CCDC39: variants seen among roughly 807,000 people sequenced by gnomAD.
The protein encoded by CCDC39 is coiled-coil domain 39 molecular ruler complex subunit.
CCDC39 carries 113 observed loss-of-function variants against 121.0 expected under a neutral mutation model. The ratio of observed to expected loss-of-function variants is 0.93; its 90% CI spans 0.80 to 1.09. The LOEUF is 1.09. Ranked by LOEUF, CCDC39 falls within the 50% of genes least tolerant of loss-of-function variation. The probability of loss-of-function intolerance (pLI) is 0.00; values close to 1 mark genes in which losing one functional copy is unlikely to be tolerated. For synonymous variants in CCDC39, 349 were observed against 352.2 expected, an observed-to-expected ratio of 0.99 and a Z score of 0.10; for missense variants, 1,063 against 1,074.7, an observed-to-expected ratio of 0.99 and a Z score of 0.15.
At chr3:180,667,984 G>A (rs907407362) in intron 1 of CCDC39, among the ~76,000 whole-genome samples, 3 of 152,132 alleles carry the variant, frequency 2.0e-5, no homozygotes, top group Non-Finnish European at 2.9e-5. Context: ...ACCAAATTGA[G>A]GACTAGCTAA....
intron 19 of CCDC39, 41 bp downstream of exon 19, chr3:180,616,232 GTGTACAGC>G: frequency 6.7e-7 from 1 of 1,498,910 alleles, no homozygotes; most frequent in Non-Finnish European, 9.3e-7. Flanking sequence ...GAATCACTTA[GTGTACAGC>G]TGTGAGAGTT....
rs1400344619 is a variant in CCDC39, at chr3:180,616,929, G to A, written c.2303C>T (p.Ala768Val). ...TGATAACTTTTCTTTAACATTATTT[G>A]CCAAATGTTCTATAACATCTAATGT... ...ENTLDVIEHL[A>V]NNVKEKLSEK... The change falls in exon 17 of 20, where the codon GCA becomes GTA. Residue 768 changes from alanine to valine, a missense_variant. By Grantham distance (64) the Ala-to-Val change is moderately conservative (BLOSUM62 0). Coordinates refer to ENST00000476379, the MANE Select transcript of CCDC39 (RefSeq NM_181426.2). The A allele has an allele frequency of 9.3e-6, 14 of 1,498,270 alleles. No homozygotes were observed. The Admixed American group carries it at 2.0e-4, about 21-fold the overall frequency. The allele number at this position is 1,498,270 out of a possible 1,614,324, so 92.8% of individuals were successfully genotyped here.
rs1175492092 is a variant in CCDC39, at chr3:180,646,986, A to C, written c.1527+93T>G. On this transcript the variant is annotated intron_variant, in intron 11 of 19. Coordinates refer to ENST00000476379, the MANE Select transcript of CCDC39 (RefSeq NM_181426.2). ...TTGTTATATATGTGTGTAGAGTGGC[A>C]GTCACCCTATCCAAAGTAGTCTTAA... 2.7e-6 allele frequency: 3 copies of C among 1,100,348 alleles called. No homozygotes were observed. The East Asian group carries it at 7.1e-5, about 26-fold the overall frequency. The allele number at this position is 1,100,348 out of a possible 1,614,324, so 68.2% of individuals were successfully genotyped here.
Position 180,642,175 on chromosome 3 carries a change from TAA to T in CCDC39, c.1690_1691del (p.Leu564LysfsTer3), listed in dbSNP as rs762481678. On this transcript the variant is annotated frameshift_variant, in exon 13 of 20. Transcript: ENST00000476379. LOFTEE classifies it high-confidence loss of function. ...KQDLMIEDNLLKLEVKRTREM... is the reference protein window; with the variant it reads ...KQDLMIEDNLXKLEVKRTREM... Reference sequence around the variant, plus strand: ...CTCGAGTACGCTTAACTTCAAGTTTTAAAAGATTGTCCTCTATCATCAAATCC... The same window carrying T: ...CTCGAGTACGCTTAACTTCAAGTTTTAAGATTGTCCTCTATCATCAAATCC... 4 of 1,605,260 alleles carry T rather than the reference TAA, an allele frequency of 2.5e-6. No individual in the cohort carries two copies. The highest frequency in any genetic ancestry group is 8.5e-7 in the Non-Finnish European group (1 of 1,174,574).
chr3:180,650,511 T>G (rs946943010), intron 9 of CCDC39, among the ~76,000 whole-genome samples: 2 of 152,094 alleles, frequency 1.3e-5, no homozygotes, highest in Non-Finnish European at 2.9e-5. Context: ...GGGACATAGG[T>G]ACAGTAGGCT....
rs770110944 is a variant in CCDC39 at position 180,651,533 on chromosome 3, C to T, written c.1035G>A (p.Arg345=). 2 of 1,520,902 alleles carry T rather than the reference C, an allele frequency of 1.3e-6. No individual in the cohort carries two copies. Among genetic ancestry groups the T allele is most frequent in the East Asian group, 2.5e-5 (1 of 40,600 alleles). The allele number at this position is 1,520,902 out of a possible 1,614,324, so 94.2% of individuals were successfully genotyped here. A position where few individuals can be genotyped will look rare whatever the true frequency, so the allele number is the denominator to read the frequency against. ...IKKDIHEETA[R]LQKTKNHNEI... ...CATTATGATTTTTAGTTTTTTGTAA[C>T]CTGAAGAGGGTTTATCACAAAAAGA... is the stretch of plus-strand genomic sequence containing the variant. The change falls in exon 9 of 20, where the codon AGG becomes AGA. Residue 345 remains arginine, a splice_region_variant and synonymous_variant. Coordinates refer to ENST00000476379, the MANE Select transcript of CCDC39 (RefSeq NM_181426.2).
intron 1 of CCDC39, among the ~76,000 whole-genome samples, chr3:180,664,779 T>G (rs965563545): frequency 6.6e-6 from 1 of 151,294 alleles, no homozygotes; most frequent in African/African-American, 2.4e-5. Flanking sequence ...CACTGTAACC[T>G]CTGCCTCCCG....
intron 14 of CCDC39, among the ~76,000 whole-genome samples, chr3:180,630,553 T>C (rs1304864854): frequency 6.6e-6 from 1 of 152,204 alleles, no homozygotes; most frequent in Non-Finnish European, 1.5e-5. Flanking sequence ...CCCCTATTCA[T>C]GTATGGTACA....
intron 9 of CCDC39, among the ~76,000 whole-genome samples, chr3:180,648,734 A>G (rs972181922): frequency 1.3e-5 from 2 of 152,146 alleles, no homozygotes; most frequent in Non-Finnish European, 2.9e-5. Flanking sequence ...AAGAAATCAC[A>G]CCACCCAATC....
rs191112111 is a variant in CCDC39 at position 180,651,705 on chromosome 3, T to G, written c.1035-172A>C. On this transcript the variant is annotated intron_variant, in intron 8 of 19. Coordinates refer to ENST00000476379, the MANE Select transcript of CCDC39 (RefSeq NM_181426.2). ...CCATAAAAATATGGCTTCTGAGTCTTTGTGATGAAAATATGAGTAAAATTT... is the reference window on the plus strand; with the variant it reads ...CCATAAAAATATGGCTTCTGAGTCTGTGTGATGAAAATATGAGTAAAATTT... 2.1e-4 allele frequency among the ~76,000 whole-genome samples: 32 copies of G among 152,276 alleles called. No homozygotes were observed. In the Middle Eastern group the frequency reaches 0.01, roughly 49 times the overall value.
chr3:180,615,489 A>C (rs931436747), intron 19 of CCDC39, among the ~76,000 whole-genome samples: 19 of 152,174 alleles, frequency 1.2e-4, no homozygotes, highest in African/African-American at 4.1e-4. Flanking sequence ...ATTGATGGAT[A>C]AAGTGGTGGG....
chr3:180,633,374 A>T (rs559969997), intron 13 of CCDC39, among the ~76,000 whole-genome samples: 14 of 152,370 alleles, frequency 9.2e-5, no homozygotes, highest in Admixed American at 7.8e-4. Flanking sequence ...TCTTCTAATT[A>T]GTACCATCTA....
At chr3:180,657,268 C>T (rs373102442) in intron 6 of CCDC39, among the ~76,000 whole-genome samples, 8 of 152,156 alleles carry the variant, frequency 5.3e-5, no homozygotes, top group South Asian at 4.1e-4. Context: ...CACCTCTTAG[C>T]ACCCTCCTTA....
At position 180,647,069 on chromosome 3, in the gene CCDC39, G is replaced by A; in HGVS notation, c.1527+10C>T. 3 of 1,599,832 alleles carry A rather than the reference G, an allele frequency of 1.9e-6. No individual in the cohort carries two copies. Among genetic ancestry groups the A allele is most frequent in the Non-Finnish European group, 2.6e-6 (3 of 1,175,712 alleles). ...TATTTGAAATATAAAATGTATTTTG[G>A]CTAAGTTACATGAAGCTTCTTGATC... On this transcript the variant is annotated intron_variant, in intron 11 of 19. Coordinates refer to ENST00000476379, the MANE Select transcript of CCDC39 (RefSeq NM_181426.2).
intron 15 of CCDC39, among the ~76,000 whole-genome samples, 188 bp from the exon 16 acceptor site, chr3:180,619,553 G>A (rs1717365538): frequency 1.3e-5 from 2 of 151,764 alleles, no homozygotes; most frequent in Admixed American, 1.3e-4. Context: ...GCAATATGCT[G>A]CCATTTTTTT....
intron 14 of CCDC39, among the ~76,000 whole-genome samples, chr3:180,621,501 G>A (rs1717431696): frequency 6.6e-6 from 1 of 151,968 alleles, no homozygotes; most frequent in Admixed American, 6.6e-5. Context: ...ATGATGATGA[G>A]CATTTTTTCA....
chr3:180,615,394 A>G (rs977703489), intron 19 of CCDC39, among the ~76,000 whole-genome samples: 4 of 152,142 alleles, frequency 2.6e-5, no homozygotes, highest in African/African-American at 9.6e-5. Context: ...AAAACAGAGG[A>G]AATAGGGCCA....
chr3:180,656,819 C>T (rs556222258), intron 6 of CCDC39, among the ~76,000 whole-genome samples: 2 of 152,340 alleles, frequency 1.3e-5, no homozygotes, highest in South Asian at 4.1e-4. Context: ...TGCTAAAAGA[C>T]ACTCCCACCA....
intron 1 of CCDC39, among the ~76,000 whole-genome samples, chr3:180,673,610 C>T (rs751202812): frequency 1.1e-4 from 17 of 152,160 alleles, no homozygotes; most frequent in Non-Finnish European, 1.8e-4. Context: ...TGCTTTATTG[C>T]AACGTTCATT....
Sources: allele counts gnomAD v4.1 joint callset (sites outside exome capture counted in the v4.1 genomes callset), GRCh38; gene constraint gnomAD v4.1.1; transcripts MANE v1.5; gene names NCBI Gene and HGNC (gene_info 2026-07-23, HGNC 2026-07-21).